CD300E: variants seen among roughly 807,000 people sequenced by gnomAD.
The protein encoded by CD300E is CMRF35-like molecule 2.
A neutral mutation model predicts 20.9 loss-of-function variants in CD300E; 14 were observed. The observed-to-expected ratio is 0.67, with a 90% CI of 0.44 to 1.05. The LOEUF (loss-of-function observed/expected upper bound fraction) is 1.05, where lower values mean the gene tolerates loss of function less well. Among genes scored for constraint, CD300E ranks in the 50% least tolerant of loss-of-function variants. The pLI is 0.00. For synonymous variants in CD300E, 102 were observed against 103.7 expected (o/e 0.98, Z 0.10); for missense variants, 237 against 253.9 (o/e 0.93, Z 0.45).
chr17:74,619,954 T>C (rs930035511), intron 1 of CD300E, among the ~76,000 whole-genome samples: 1 of 152,240 alleles, frequency 6.6e-6, no homozygotes, highest in Admixed American at 6.5e-5. Flanking sequence ...TCTGCATTCA[T>C]GATGGCTATT....
Position 74,612,680 on chromosome 17 carries a change from C to T in CD300E, c.591G>A (p.Arg197=). Residue 197 remains arginine (R), a synonymous_variant, in exon 4 of 4, where the codon AGG becomes AGA. Coordinates refer to ENST00000392619, the MANE Select transcript of CD300E (RefSeq NM_181449.3). ...SMLGAVFWVN[R]PQWAPPGR ...ATCTTCCAGGAGGAGCCCACTGAGG[C>T]CTGTTCACCCAGAAGACAGCACCCA... 6.2e-7 allele frequency: 1 copy of T among 1,613,856 alleles called. No individual in the cohort carries two copies. The highest frequency in any genetic ancestry group is 8.5e-7 in the Non-Finnish European group (1 of 1,179,974).
chr17:74,610,570 C>T lies in CD300E; in HGVS notation c.*2083G>A, dbSNP rs539295858. 12 of 152,380 alleles carry T rather than the reference C, an allele frequency of 7.9e-5. No homozygotes were observed. Among genetic ancestry groups the T allele is most frequent in the African/African-American group, 2.9e-4 (12 of 41,572 alleles). 9.4% of individuals were successfully genotyped at this position (152,380 alleles called of 1,614,324 possible). On this transcript the variant is annotated 3_prime_UTR_variant, in exon 4 of 4. Transcript: ENST00000392619. ...TAAGACTCCGGACTCCCAGATTCTTCCTTTCAGACTTTGCTACATCTGCTA... is the reference window on the plus strand; with the variant it reads ...TAAGACTCCGGACTCCCAGATTCTTTCTTTCAGACTTTGCTACATCTGCTA...
At position 74,612,538 on chromosome 17, in the gene CD300E, G is replaced by T; in HGVS notation, c.*115C>A. On this transcript the variant is annotated 3_prime_UTR_variant, in exon 4 of 4. Transcript: ENST00000392619. ...GCCAGGACCCTCCTTTGAGGCACAG[G>T]AACAATAAATCCCTCCAGAGTCCAC... 7.1e-7 allele frequency: 1 copy of T among 1,411,414 alleles called. No individual in the cohort carries two copies. The highest frequency in any genetic ancestry group is 9.6e-7 in the Non-Finnish European group (1 of 1,045,970). 87.4% of individuals were successfully genotyped at this position (1,411,414 alleles called of 1,614,324 possible).
chr17:74,620,686 T>C, intron 1 of CD300E, among the ~76,000 whole-genome samples: 1 of 148,290 alleles, frequency 6.7e-6, no homozygotes, highest in Non-Finnish European at 1.5e-5. Context: ...ATTTCAGAGG[T>C]AGGGCAGCAG....
chr17:74,619,322 T>C, intron 1 of CD300E: 1 of 343,164 alleles, frequency 2.9e-6, no homozygotes, highest in Admixed American at 3.6e-5. Flanking sequence ...CTTCTTCTGC[T>C]AGGATCAGAG....
intron 1 of CD300E, among the ~76,000 whole-genome samples, chr17:74,618,454 G>C (rs1230958269): frequency 6.6e-6 from 1 of 152,128 alleles, no homozygotes; most frequent in Non-Finnish European, 1.5e-5. Context: ...ACGCGCAGGG[G>C]CCACGGAAGC....
chr17:74,619,940 G>T (rs2030985275), intron 1 of CD300E, among the ~76,000 whole-genome samples: 1 of 152,202 alleles, frequency 6.6e-6, no homozygotes, highest in East Asian at 1.9e-4. Context: ...AAAAGAAAGG[G>T]CCTTCTGCAT....
At chr17:74,614,993 G>A (rs139127971) in intron 2 of CD300E, among the ~76,000 whole-genome samples, 41 of 152,354 alleles carry the variant, frequency 2.7e-4, no homozygotes, top group African/African-American at 9.1e-4. Flanking sequence ...CCGATAAGCC[G>A]CGTTCAACCT....
Position 74,613,937 on chromosome 17 carries a change from G to A in CD300E, c.485C>T (p.Thr162Ile), listed in dbSNP as rs1042063346. ...GRNLSTGEVL[T>I]QNSGFRLSSP... ...CCTGCGTGCTTACCCTGAATTTTGG[G>A]TCAACACCTCCCCGGTGCTGAGGTT... Residue 162 changes from threonine to isoleucine, a missense_variant, in exon 3 of 4, where the codon ACC becomes ATC. Physicochemically the swap from Thr to Ile is moderately conservative, Grantham distance 89. Transcript: ENST00000392619. The A allele has an allele frequency of 1.9e-6, 3 of 1,613,000 alleles. No individual in the cohort carries two copies. Among genetic ancestry groups the A allele is most frequent in the Non-Finnish European group, 2.5e-6 (3 of 1,179,414 alleles).
chr17:74,621,780 T>A (rs1285756172), intron 1 of CD300E, among the ~76,000 whole-genome samples: 1 of 152,168 alleles, frequency 6.6e-6, no homozygotes, highest in Non-Finnish European at 1.5e-5. Flanking sequence ...ATTTCCAGCT[T>A]GTCTACTTAG....
rs2143354998 is a variant in CD300E, at chr17:74,613,947, C to A, written c.475G>T (p.Glu159Ter). Residue 159 changes from glutamate (E) to a stop codon, truncating the protein, a stop_gained, in exon 3 of 4, where the codon GAG becomes TAG. Coordinates refer to ENST00000392619, the MANE Select transcript of CD300E (RefSeq NM_181449.3). LOFTEE classifies it low-confidence loss of function (END_TRUNC). ...VNPGRNLSTG[E>*]VLTQNSGFRL... ...TACCCTGAATTTTGGGTCAACACCT[C>A]CCCGGTGCTGAGGTTTCGCCCAGGG... is the stretch of plus-strand genomic sequence containing the variant. 1 of 1,613,452 alleles carries A rather than the reference C, an allele frequency of 6.2e-7. No individual in the cohort carries two copies. Among genetic ancestry groups the A allele is most frequent in the East Asian group, 2.2e-5 (1 of 44,860 alleles).
intron 2 of CD300E, among the ~76,000 whole-genome samples, chr17:74,615,919 C>T (rs957685822): frequency 5.9e-5 from 9 of 152,200 alleles, no homozygotes; most frequent in African/African-American, 1.7e-4. Context: ...GATGCTGTCT[C>T]TACTAAAAAA....
chr17:74,613,911 C>T lies in CD300E; in HGVS notation c.497+14G>A, dbSNP rs540861402. On this transcript the variant is annotated intron_variant, in intron 3 of 3. Coordinates refer to ENST00000392619, the MANE Select transcript of CD300E (RefSeq NM_181449.3). ...GGTTGCTCCCTCCATGGCCTCCAGGCCCTGCGTGCTTACCCTGAATTTTGG... is the reference window on the plus strand; with the variant it reads ...GGTTGCTCCCTCCATGGCCTCCAGGTCCTGCGTGCTTACCCTGAATTTTGG... 3.1e-5 allele frequency: 50 copies of T among 1,597,834 alleles called. No homozygotes were observed. The East Asian group carries it at 1.1e-3, about 34-fold the overall frequency.
chr17:74,615,637 T>C (rs1336199316), intron 2 of CD300E, among the ~76,000 whole-genome samples: 4 of 151,816 alleles, frequency 2.6e-5, no homozygotes. Flanking sequence ...AGGACTTTTC[T>C]AGCCTTAGCA....
At chr17:74,621,653 T>C (rs928879398) in intron 1 of CD300E, among the ~76,000 whole-genome samples, 2 of 152,218 alleles carry the variant, frequency 1.3e-5, no homozygotes, top group African/African-American at 4.8e-5. Context: ...AGAATGGAAA[T>C]ACCAGATGAT....
At chr17:74,618,908 C>G (rs2030961996) in intron 1 of CD300E, among the ~76,000 whole-genome samples, 1 of 152,090 alleles carries the variant, frequency 6.6e-6, no homozygotes, top group African/African-American at 2.4e-5. Context: ...TGGCTCCTGA[C>G]CCCGCACCTT....
At chr17:74,623,324 TAGTTGACTCCCTC>T (rs2031060881) in intron 1 of CD300E, among the ~76,000 whole-genome samples, 1 of 152,242 alleles carries the variant, frequency 6.6e-6, no homozygotes, top group Admixed American at 6.5e-5. Flanking sequence ...GTATTGTAGT[TAGTTGACTCCCTC>T]AGTTCAGAAG....
At position 74,610,584 on chromosome 17, in the gene CD300E, C is replaced by T. The variant is rs552517068; in HGVS notation, c.*2069G>A. 2.0e-5 allele frequency: 3 copies of T among 152,210 alleles called. No individual in the cohort carries two copies. Among genetic ancestry groups the T allele is most frequent in the African/African-American group, 7.2e-5 (3 of 41,442 alleles). 9.4% of individuals were successfully genotyped at this position (152,210 alleles called of 1,614,324 possible). ...CCCAGATTCTTCCTTTCAGACTTTG[C>T]TACATCTGCTAGGCAAGTCCTCCTA... On this transcript the variant is annotated 3_prime_UTR_variant, in exon 4 of 4. Coordinates refer to ENST00000392619, the MANE Select transcript of CD300E (RefSeq NM_181449.3).
intron 2 of CD300E, among the ~76,000 whole-genome samples, chr17:74,615,089 TC>T (rs748144455): frequency 3.3e-5 from 5 of 152,198 alleles, no homozygotes; most frequent in Non-Finnish European, 7.3e-5. Flanking sequence ...CGGACTCACT[TC>T]CGCTGGAAGC....
Sources: gnomAD v4.1 joint callset for allele counts (sites outside exome capture counted in the v4.1 genomes callset) on GRCh38, gnomAD v4.1.1 for gene constraint, MANE v1.5 for transcripts, NCBI Gene and HGNC (gene_info 2026-07-23, HGNC 2026-07-21) for gene names.